CNTN6: variants seen among roughly 807,000 people sequenced by gnomAD.
The protein encoded by CNTN6 is contactin-6.
In CNTN6, 137 loss-of-function variants were observed where a neutral mutation model predicts 122.8. The observed-to-expected ratio is 1.12, with a 90% CI of 0.97 to 1.29. CNTN6 has a LOEUF of 1.29. CNTN6 is among the 50% of genes most tolerant of loss of function. The pLI is 0.00. For synonymous variants in CNTN6, 570 were observed against 426.0 expected, an observed-to-expected ratio of 1.34 and a Z score of -4.16; for missense variants, 1,634 against 1,223.4, an observed-to-expected ratio of 1.34 and a Z score of -5.01.
In CNTN6 at chr3:1,220,555, C is replaced by T. The variant is rs76547281; in HGVS notation, c.56-132C>T. On this transcript the variant is annotated intron_variant, in intron 2 of 22. Coordinates refer to ENST00000446702, the MANE Select transcript of CNTN6 (RefSeq NM_001289080.2). ...AAATTCTTTGTCCATTTTTGTAATA[C>T]TTTTTGTGAATTTGAGATTGTTTTA... is the stretch of plus-strand genomic sequence containing the variant. 5.5e-3 allele frequency: 4,557 copies of T among 824,992 alleles called. 161 individuals are homozygous for T. The African/African-American group carries it at 0.072, about 13-fold the overall frequency. The allele number at this position is 824,992 out of a possible 1,614,324, so 51.1% of individuals were successfully genotyped here.
At chr3:1,267,869 A>G (rs2094951612) in intron 4 of CNTN6, among the ~76,000 whole-genome samples, 1 of 151,328 alleles carries the variant, frequency 6.6e-6, no homozygotes, top group Non-Finnish European at 1.5e-5. Flanking sequence ...CTCAGCAGAA[A>G]CCTCACATTT....
chr3:1,101,454 T>C (rs764267956), intron 1 of CNTN6, among the ~76,000 whole-genome samples: 1 of 152,204 alleles, frequency 6.6e-6, no homozygotes, highest in Non-Finnish European at 1.5e-5. Context: ...TCACGTTGCA[T>C]GGTGCCGTGT....
intron 2 of CNTN6, among the ~76,000 whole-genome samples, chr3:1,185,553 T>C (rs1202003921): frequency 6.6e-6 from 1 of 152,208 alleles, no homozygotes; most frequent in Non-Finnish European, 1.5e-5. Flanking sequence ...TGTGCTAATC[T>C]ATGTGACCTT....
chr3:1,204,867 A>G (rs537407895), intron 2 of CNTN6, among the ~76,000 whole-genome samples: 5 of 152,270 alleles, frequency 3.3e-5, no homozygotes, highest in African/African-American at 1.2e-4. Flanking sequence ...CATATGATGG[A>G]TGGGGTAGGC....
At chr3:1,268,575 C>G (rs895037005) in intron 4 of CNTN6, among the ~76,000 whole-genome samples, 5 of 134,872 alleles carry the variant, frequency 3.7e-5, no homozygotes, top group Admixed American at 1.5e-4. Context: ...CCACTGCACT[C>G]CAGCCTGGGC....
intron 5 of CNTN6, among the ~76,000 whole-genome samples, chr3:1,280,528 G>T (rs1020138931): frequency 1.5e-5 from 2 of 132,254 alleles, no homozygotes; most frequent in Non-Finnish European, 3.1e-5. Context: ...GCAGTGGCTC[G>T]ATCTTGGCTC....
In CNTN6 at chr3:1,148,046, T is replaced by C; in HGVS notation, c.38T>C (p.Leu13Pro). ...TGGAAACTGGTAATTCTGCTGCCAC[T>C]CATAAACTCTTCTGCAGGTAAAGTG... ...LLWKLVILLP[L>P]INSSAGDGLL... Residue 13 changes from leucine to proline, a missense_variant, in exon 2 of 23, where the codon CTC (leucine) becomes CCC (proline). Coordinates refer to ENST00000446702, the MANE Select transcript of CNTN6 (RefSeq NM_001289080.2). 1 of 1,608,170 alleles carries C rather than the reference T, an allele frequency of 6.2e-7. No homozygotes were observed. Among genetic ancestry groups the C allele is most frequent in the Non-Finnish European group, 8.5e-7 (1 of 1,175,592 alleles).
chr3:1,297,158 T>C (rs1696383484), intron 6 of CNTN6, among the ~76,000 whole-genome samples: 2 of 152,272 alleles, frequency 1.3e-5, no homozygotes, highest in Non-Finnish European at 2.9e-5. Context: ...ATTTCATATA[T>C]ATTTTGTAAT....
chr3:1,277,600 ACT>A (rs1268062321), intron 4 of CNTN6, among the ~76,000 whole-genome samples: 87 of 152,168 alleles, frequency 5.7e-4, no homozygotes, highest in African/African-American at 1.9e-3. Context: ...GCCACAAGCA[ACT>A]TGCCTGACTC....
intron 4 of CNTN6, among the ~76,000 whole-genome samples, chr3:1,273,626 A>G (rs567109829): frequency 1.3e-5 from 2 of 152,304 alleles, no homozygotes; most frequent in Admixed American, 6.5e-5. Context: ...CTTGTCTATG[A>G]TCTGTGTGCT....
intron 1 of CNTN6, among the ~76,000 whole-genome samples, chr3:1,140,038 C>T (rs1259116699): frequency 6.6e-6 from 1 of 152,200 alleles, no homozygotes; most frequent in East Asian, 1.9e-4. Flanking sequence ...ATATCACCCA[C>T]TTATTTCTCC....
chr3:1,107,808 T>G (rs1182763411), intron 1 of CNTN6, among the ~76,000 whole-genome samples: 2 of 152,032 alleles, frequency 1.3e-5, no homozygotes, highest in East Asian at 3.9e-4. Context: ...CAGGTTAGAA[T>G]AATACCAAAT....
intron 20 of CNTN6, among the ~76,000 whole-genome samples, chr3:1,399,028 A>C (rs1334831877): frequency 1.3e-5 from 2 of 152,132 alleles, no homozygotes; most frequent in African/African-American, 4.8e-5. Flanking sequence ...TCTCCTAGCC[A>C]GTTGATTTTT....
intron 4 of CNTN6, among the ~76,000 whole-genome samples, chr3:1,267,758 T>A (rs1354222291): frequency 6.6e-6 from 1 of 152,174 alleles, no homozygotes. Flanking sequence ...TTTTTTGGCG[T>A]CCTGGGAATA....
chr3:1,390,170 C>T (rs1693893758), intron 20 of CNTN6, among the ~76,000 whole-genome samples: 2 of 151,810 alleles, frequency 1.3e-5, no homozygotes, highest in African/African-American at 2.4e-5. Context: ...GTAAAGCTCT[C>T]CTCAGCAAAT....
intron 2 of CNTN6, among the ~76,000 whole-genome samples, chr3:1,191,685 T>G (rs1246884307): frequency 1.3e-5 from 2 of 152,176 alleles, no homozygotes; most frequent in East Asian, 1.9e-4. Context: ...GTGGACACCC[T>G]GGGTACCCAA....
At chr3:1,154,377 C>T (rs1265460828) in intron 2 of CNTN6, among the ~76,000 whole-genome samples, 1 of 151,766 alleles carries the variant, frequency 6.6e-6, no homozygotes, top group East Asian at 1.9e-4. Context: ...TTTAAGGGTA[C>T]TCAAAAATAG....
intron 12 of CNTN6, among the ~76,000 whole-genome samples, chr3:1,362,914 A>G (rs1707679442): frequency 6.6e-6 from 1 of 151,876 alleles, no homozygotes; most frequent in African/African-American, 2.4e-5. Flanking sequence ...TTAAGTCAAA[A>G]AAACAAGACT....
chr3:1,206,149 C>G (rs2093955023), intron 2 of CNTN6, among the ~76,000 whole-genome samples: 1 of 152,058 alleles, frequency 6.6e-6, no homozygotes, highest in Non-Finnish European at 1.5e-5. Flanking sequence ...GCAAGTTTTC[C>G]TGATATGTCC....
Sources: gnomAD v4.1 joint callset for allele counts (sites outside exome capture counted in the v4.1 genomes callset) on GRCh38, gnomAD v4.1.1 for gene constraint, MANE v1.5 for transcripts, NCBI Gene and HGNC (gene_info 2026-07-23, HGNC 2026-07-21) for gene names.